Variants in EYS observed in about 807,000 individuals in gnomAD.
EYS encodes EGF-like photoreceptor maintenance factor.
In EYS, 250 loss-of-function variants were observed where a neutral mutation model predicts 282.1. That is an observed-to-expected ratio of 0.89 (90% CI 0.80 to 0.98). The LOEUF (loss-of-function observed/expected upper bound fraction) is 0.98. EYS is among the 50% of genes least tolerant of loss of function. EYS has a pLI of 0.00. For missense variants in EYS, 4,016 were observed against 3,709.0 expected, an observed-to-expected ratio of 1.08 and a Z score of -2.15; for synonymous variants, 1,355 against 1,282.9, an observed-to-expected ratio of 1.06 and a Z score of -1.20.
Position 64,031,185 on chromosome 6 carries a change from G to A in EYS, c.6726-32002C>T, listed in dbSNP as rs951924861. Among the ~76,000 whole-genome samples the A allele has an allele frequency of 1.2e-3, 181 of 152,328 alleles. 2 individuals are homozygous for A. The highest frequency in any genetic ancestry group is 4.2e-3 in the African/African-American group (174 of 41,588). ...AGAAGTGTGGGCGGGAACCGGGGCT[G>A]CACATGCTGTTTGCAGGCCAGCATG... On this transcript the variant is annotated intron_variant, in intron 33 of 42. Coordinates refer to ENST00000503581, the MANE Select transcript of EYS (RefSeq NM_001142800.2).
intron 22 of EYS, among the ~76,000 whole-genome samples, chr6:64,752,484 C>A (rs556376132): frequency 2.0e-5 from 3 of 152,100 alleles, no homozygotes; most frequent in East Asian, 3.9e-4. Context: ...AATATAAACA[C>A]TGCATTCAAA....
chr6:65,609,344 A>AT (rs2149794136), intron 2 of EYS, among the ~76,000 whole-genome samples: 1 of 151,872 alleles, frequency 6.6e-6, no homozygotes, highest in Non-Finnish European at 1.5e-5. Flanking sequence ...GCCAAAAAAA[A>AT]AAAAAATCTA....
At chr6:65,417,372 T>A (rs1418780313) in intron 5 of EYS, among the ~76,000 whole-genome samples, 1 of 152,066 alleles carries the variant, frequency 6.6e-6, no homozygotes, top group Non-Finnish European at 1.5e-5. Flanking sequence ...CCATGCAGGA[T>A]ATGAAAGTTT....
At chr6:64,434,431 A>T (rs111732571) in intron 28 of EYS, among the ~76,000 whole-genome samples, 3,103 of 152,170 alleles carry the variant, frequency 0.02, 86 homozygotes, top group African/African-American at 0.063. Flanking sequence ...CATATGGTAC[A>T]TGTTAATTGT....
chr6:63,752,090 T>A (rs1269610970), intron 41 of EYS, among the ~76,000 whole-genome samples: 1 of 152,198 alleles, frequency 6.6e-6, no homozygotes, highest in Admixed American at 6.5e-5. Flanking sequence ...AACTTTAAAA[T>A]TTTTGCAATA....
chr6:65,310,169 C>A (rs1263290158), intron 11 of EYS, among the ~76,000 whole-genome samples: 3 of 151,992 alleles, frequency 2.0e-5, no homozygotes, highest in Non-Finnish European at 2.9e-5. Flanking sequence ...CATGGTGAAA[C>A]CTCATCTCTA....
chr6:64,806,395 C>G (rs987868202), intron 22 of EYS, among the ~76,000 whole-genome samples: 1 of 151,832 alleles, frequency 6.6e-6, no homozygotes, highest in Non-Finnish European at 1.5e-5. Flanking sequence ...AGCTTCTGTC[C>G]TTCCTCAATA....
rs189495660 is a variant in EYS at position 64,651,637 on chromosome 6, C to T, written c.3444-25392G>A. ...GGCAGAGGTTGCCATTAGCCGAGAC[C>T]GCGCCACCGCACTCCAGCGTGGTGA... On this transcript the variant is annotated intron_variant, in intron 22 of 42. Transcript: ENST00000503581. Among the ~76,000 whole-genome samples, 36 of 152,118 alleles carry T rather than the reference C, an allele frequency of 2.4e-4. No individual in the cohort carries two copies. The East Asian group carries it at 5.8e-3, about 25-fold the overall frequency.
intron 23 of EYS, among the ~76,000 whole-genome samples, chr6:64,621,980 CTAAG>C (rs1767459501): frequency 6.6e-6 from 1 of 152,140 alleles, no homozygotes; most frequent in Non-Finnish European, 1.5e-5. Context: ...TAAAAACACA[CTAAG>C]TGTGTTTCTA....
chr6:65,033,726 A>T (rs1772678533), intron 13 of EYS, among the ~76,000 whole-genome samples: 1 of 152,172 alleles, frequency 6.6e-6, no homozygotes, highest in Non-Finnish European at 1.5e-5. Context: ...CAGGGGCAGA[A>T]CCCTCACAGA....
chr6:64,944,557 T>C (rs990759123), intron 15 of EYS, among the ~76,000 whole-genome samples: 1 of 152,066 alleles, frequency 6.6e-6, no homozygotes, highest in Non-Finnish European at 1.5e-5. Context: ...CGGGGTATTG[T>C]CCAAGGTTTC....
chr6:65,655,207 G>T (rs996342827), intron 1 of EYS, among the ~76,000 whole-genome samples: 1 of 151,430 alleles, frequency 6.6e-6, no homozygotes, highest in Non-Finnish European at 1.5e-5. Context: ...ATAATTTATA[G>T]AGAATTCTCA....
chr6:64,640,900 G>A (rs1266827084), intron 22 of EYS, among the ~76,000 whole-genome samples: 4 of 152,070 alleles, frequency 2.6e-5, no homozygotes, highest in African/African-American at 9.7e-5. Context: ...AGAATCTAAG[G>A]TCAGCTGCCC....
intron 13 of EYS, among the ~76,000 whole-genome samples, chr6:65,016,472 GC>G (rs1319435787): frequency 1.4e-5 from 2 of 138,188 alleles, no homozygotes; most frequent in African/African-American, 6.1e-5. Flanking sequence ...CTTAAAATCT[GC>G]TGTTTAAAAT....
chr6:64,261,505 T>TAA (rs1365037887), intron 30 of EYS, among the ~76,000 whole-genome samples: 12 of 152,120 alleles, frequency 7.9e-5, no homozygotes, highest in African/African-American at 2.9e-4. Flanking sequence ...TGCACATAAA[T>TAA]GGTAAATAGT....
At chr6:65,019,908 A>T (rs1428460318) in intron 13 of EYS, among the ~76,000 whole-genome samples, 3 of 151,794 alleles carry the variant, frequency 2.0e-5, no homozygotes, top group Non-Finnish European at 4.4e-5. Context: ...TGGCGGCAGC[A>T]AGAAGTGCCG....
chr6:64,505,434 G>GT (rs1226674562), intron 26 of EYS, among the ~76,000 whole-genome samples: 4 of 152,036 alleles, frequency 2.6e-5, no homozygotes, highest in Admixed American at 2.6e-4. Flanking sequence ...CACTGCTTTC[G>GT]TATTTCAGGC....
intron 22 of EYS, among the ~76,000 whole-genome samples, chr6:64,796,902 A>C (rs1203032223): frequency 6.6e-6 from 1 of 152,102 alleles, no homozygotes. Context: ...GGGCTTAGGG[A>C]TTATTTAGAG....
At chr6:64,053,939 T>C (rs1163709335) in intron 33 of EYS, among the ~76,000 whole-genome samples, 2 of 152,198 alleles carry the variant, frequency 1.3e-5, no homozygotes, top group Non-Finnish European at 1.5e-5. Flanking sequence ...TAAATTTCCA[T>C]GGCCTTTACA....
Sources: allele counts gnomAD v4.1 joint callset (sites outside exome capture counted in the v4.1 genomes callset), GRCh38; gene constraint gnomAD v4.1.1; transcripts MANE v1.5; gene names NCBI Gene and HGNC (gene_info 2026-07-23, HGNC 2026-07-21).